Variants in NETO1 observed in about 807,000 individuals in gnomAD.
NETO1 encodes the protein neuropilin and tolloid like 1, also known as neuropilin and tolloid-like protein 1.
In NETO1, 26 loss-of-function variants were observed where a neutral mutation model predicts 61.3. The ratio of observed to expected loss-of-function variants is 0.42; its 90% CI spans 0.31 to 0.59. The LOEUF is 0.59. NETO1 is among the 20% of genes least tolerant of loss of function. NETO1 has a pLI of 0.12. For missense variants in NETO1, 531 were observed against 662.8 expected, an observed-to-expected ratio of 0.80 and a Z score of 2.18; for synonymous variants, 225 against 225.8, an observed-to-expected ratio of 1.00 and a Z score of 0.03.
chr18:72,804,139 AT>A (rs1276929845), intron 4 of NETO1, among the ~76,000 whole-genome samples: 1 of 152,288 alleles, frequency 6.6e-6, no homozygotes, highest in South Asian at 2.1e-4. Flanking sequence ...GCTATTTAAA[AT>A]ATACTCAGTT....
At chr18:72,853,939 G>A (rs1283614744) in intron 4 of NETO1, among the ~76,000 whole-genome samples, 1 of 151,826 alleles carries the variant, frequency 6.6e-6, no homozygotes, top group Admixed American at 6.6e-5. Flanking sequence ...AGAAACTTTC[G>A]AAATGGTTAA....
At chr18:72,857,049 T>C (rs2074430443) in intron 4 of NETO1, among the ~76,000 whole-genome samples, 1 of 152,226 alleles carries the variant, frequency 6.6e-6, no homozygotes, top group African/African-American at 2.4e-5. Context: ...ACTCAGGCAA[T>C]GGCCTTGGGC....
At chr18:72,794,529 A>T (rs563054225) in intron 4 of NETO1, 125 bp from the exon 5 acceptor site, 17 of 847,000 alleles carry the variant, frequency 2.0e-5, no homozygotes, top group Non-Finnish European at 3.0e-5. Context: ...AAAGTAAAAA[A>T]CACATTAGGG....
chr18:72,772,588 G>T (rs1233447735), intron 7 of NETO1, among the ~76,000 whole-genome samples: 1 of 151,648 alleles, frequency 6.6e-6, no homozygotes. Context: ...CAGGAGTAAT[G>T]AATTCATAAC....
rs981066356 is a variant in NETO1, at chr18:72,836,716, G to A, written c.469+22110C>T. 1.6e-4 allele frequency among the ~76,000 whole-genome samples: 24 copies of A among 152,286 alleles called. 1 individual carries two copies. The highest frequency in any genetic ancestry group is 1.5e-3 in the Admixed American group (23 of 15,296). The stretch of plus-strand genomic sequence containing the variant: ...AAGGAAGGCTGGTTGTACAGACAGG[G>A]ATGAGAGTGTTAAAGCCCTTGATTG... On this transcript the variant is annotated intron_variant, in intron 4 of 10. Transcript: ENST00000327305.
In NETO1 at chr18:72,867,482, A is replaced by G. The variant is rs2074777428; in HGVS notation, c.-191T>C. Reference sequence around the variant, plus strand: ...CCCACGCTGCAGCCAGATCCGGATGAGTCCGTCCTCCGCCCCGGGCGGGCT... The same window carrying G: ...CCCACGCTGCAGCCAGATCCGGATGGGTCCGTCCTCCGCCCCGGGCGGGCT... On this transcript the variant is annotated 5_prime_UTR_variant, in exon 1 of 11. Transcript: ENST00000327305. 2 of 402,854 alleles carry G rather than the reference A, an allele frequency of 5.0e-6. No individual in the cohort carries two copies. Among genetic ancestry groups the G allele is most frequent in the South Asian group, 2.6e-4 (2 of 7,840 alleles). 25.0% of individuals were successfully genotyped at this position (402,854 alleles called of 1,614,324 possible). A position where few individuals can be genotyped will look rare whatever the true frequency, so the allele number is the denominator to read the frequency against.
chr18:72,785,929 G>A (rs763839498), intron 6 of NETO1, among the ~76,000 whole-genome samples: 1 of 152,130 alleles, frequency 6.6e-6, no homozygotes, highest in South Asian at 2.1e-4. Flanking sequence ...CAGCCTCCAT[G>A]TGATTTTGAA....
chr18:72,853,835 A>G (rs886617328), intron 4 of NETO1, among the ~76,000 whole-genome samples: 12 of 152,060 alleles, frequency 7.9e-5, no homozygotes, highest in Middle Eastern at 3.2e-3. Context: ...CAAAATTTAA[A>G]TGAAACTTTA....
At chr18:72,835,550 TAGAA>T (rs1354198533) in intron 4 of NETO1, among the ~76,000 whole-genome samples, 2 of 152,302 alleles carry the variant, frequency 1.3e-5, no homozygotes, top group African/African-American at 4.8e-5. Context: ...AAGGAATAAT[TAGAA>T]AGCCTTTCTG....
chr18:72,807,072 T>C (rs2072697598), intron 4 of NETO1, among the ~76,000 whole-genome samples: 1 of 152,190 alleles, frequency 6.6e-6, no homozygotes, highest in Admixed American at 6.6e-5. Flanking sequence ...ATAGCTTGCA[T>C]AATCATATTG....
At chr18:72,776,900 A>T (rs2071566464) in intron 7 of NETO1, among the ~76,000 whole-genome samples, 1 of 152,230 alleles carries the variant, frequency 6.6e-6, no homozygotes, top group Non-Finnish European at 1.5e-5. Context: ...TTCAGTGTCA[A>T]TTTAAAACTC....
intron 8 of NETO1, chr18:72,752,104 A>C (rs1488643055): frequency 6.6e-6 from 1 of 152,214 alleles, no homozygotes; most frequent in African/African-American, 2.4e-5. Context: ...TTAGTGTCTT[A>C]AGAGCCATAA....
intron 6 of NETO1, among the ~76,000 whole-genome samples, chr18:72,786,679 T>G (rs1438528936): frequency 6.6e-6 from 1 of 152,068 alleles, no homozygotes; most frequent in East Asian, 1.9e-4. Context: ...TGATTTCTCC[T>G]CCCAACACAA....
intron 4 of NETO1, among the ~76,000 whole-genome samples, chr18:72,806,102 C>T (rs1322099585): frequency 2.0e-5 from 3 of 152,042 alleles, no homozygotes; most frequent in Admixed American, 6.6e-5. Context: ...TTACCTACGA[C>T]GTCCTTTTCA....
intron 7 of NETO1, among the ~76,000 whole-genome samples, chr18:72,766,425 T>C (rs868708770): frequency 1.3e-5 from 2 of 152,110 alleles, no homozygotes; most frequent in African/African-American, 2.4e-5. Context: ...CCATAGGCTA[T>C]GTAATTAGAG....
At chr18:72,763,280 C>T (rs116700985) in intron 7 of NETO1, among the ~76,000 whole-genome samples, 265 of 152,158 alleles carry the variant, frequency 1.7e-3, no homozygotes, top group African/African-American at 6.0e-3. Context: ...ATTTGTTCAA[C>T]GTCAAATAAG....
intron 3 of NETO1, among the ~76,000 whole-genome samples, chr18:72,862,490 C>T (rs915916917): frequency 6.6e-6 from 1 of 152,118 alleles, no homozygotes; most frequent in Non-Finnish European, 1.5e-5. Context: ...ACCAATTTTT[C>T]CCGTCTATAT....
chr18:72,803,777 C>T (rs1044919026), intron 4 of NETO1, among the ~76,000 whole-genome samples: 1 of 151,196 alleles, frequency 6.6e-6, no homozygotes, highest in Admixed American at 6.6e-5. Context: ...GCCGAGATCA[C>T]ACCATTGCAC....
chr18:72,831,674 T>C (rs1196317920), intron 4 of NETO1, among the ~76,000 whole-genome samples: 1 of 152,226 alleles, frequency 6.6e-6, no homozygotes, highest in Non-Finnish European at 1.5e-5. Flanking sequence ...ATTTTGGCAG[T>C]TTCATTGTTT....
Sources: allele counts gnomAD v4.1 joint callset (sites outside exome capture counted in the v4.1 genomes callset), GRCh38; gene constraint gnomAD v4.1.1; transcripts MANE v1.5; gene names NCBI Gene and HGNC (gene_info 2026-07-23, HGNC 2026-07-21).